NAV2: variants seen among roughly 807,000 people sequenced by gnomAD.
NAV2 encodes the protein neuron navigator 2, also known as helicase, APC down-regulated 1.
In NAV2, 54 loss-of-function variants were observed where a neutral mutation model predicts 223.2. The observed-to-expected ratio is 0.24, with a 90% CI of 0.19 to 0.30. The LOEUF (loss-of-function observed/expected upper bound fraction) is 0.30. NAV2 is among the 10% of genes least tolerant of loss of function. NAV2 has a pLI of 1.00. For missense variants in NAV2, 2,806 were observed against 3,147.5 expected (o/e 0.89, Z 2.60); for synonymous variants, 1,279 against 1,239.3 (o/e 1.03, Z -0.67).
chr11:19,498,435 G>A (rs1008697478), intron 1 of NAV2, among the ~76,000 whole-genome samples: 5 of 152,216 alleles, frequency 3.3e-5, no homozygotes, highest in African/African-American at 4.8e-5. Context: ...TTGAACAGAA[G>A]ATGATGAAGG....
In NAV2 at chr11:19,879,931, C is replaced by A. The variant is rs1362317332; in HGVS notation, c.574C>A (p.Gln192Lys). 6.2e-7 allele frequency: 1 copy of A among 1,606,708 alleles called. No homozygotes were observed. Among genetic ancestry groups the A allele is most frequent in the African/African-American group, 1.3e-5 (1 of 74,748 alleles). Residue 192 changes from glutamine to lysine, a missense_variant, in exon 5 of 38, where the codon CAG (glutamine) becomes AAG (lysine). Physicochemically the swap from Gln to Lys is moderately conservative, Grantham distance 53. Coordinates refer to ENST00000349880, the MANE Select transcript of NAV2 (RefSeq NM_145117.5). ...CTTCTTCAGCCTCTCCCGATACAAG[C>A]AGCAGCAGCAGCAGCCCCAGAAGCA... The part of the protein sequence containing the change: ...GLFFSLSRYK[Q>K]QQQQPQKQHL...
At chr11:20,015,446 C>A (rs936472760) in intron 11 of NAV2, among the ~76,000 whole-genome samples, 1 of 152,184 alleles carries the variant, frequency 6.6e-6, no homozygotes, top group African/African-American at 2.4e-5. Context: ...GCACAGCATT[C>A]CTATACAGGC....
chr11:19,978,685 A>G (rs966245463), intron 10 of NAV2: 1 of 132,606 alleles, frequency 7.5e-6, no homozygotes, highest in African/African-American at 2.8e-5. Flanking sequence ...GTCATGCTCT[A>G]TTAGAAATGC....
intron 22 of NAV2, among the ~76,000 whole-genome samples, chr11:20,074,086 C>T (rs35464939): frequency 0.33 from 49,643 of 151,994 alleles, 9,069 homozygotes; most frequent in African/African-American, 0.48. Context: ...ATAAATTTCC[C>T]TCTACACACT....
intron 1 of NAV2, among the ~76,000 whole-genome samples, chr11:19,410,096 C>T (rs1850075696): frequency 6.6e-6 from 1 of 152,188 alleles, no homozygotes; most frequent in African/African-American, 2.4e-5. Flanking sequence ...GCTTTTCCAC[C>T]CTACCCATTT....
At chr11:19,589,635 GA>G (rs1269929884) in intron 1 of NAV2, among the ~76,000 whole-genome samples, 1 of 152,206 alleles carries the variant, frequency 6.6e-6, no homozygotes, top group East Asian at 1.9e-4. Flanking sequence ...TGCAAATGGT[GA>G]AGGGCCTCTA....
At chr11:19,953,582 T>C (rs765655103) in intron 10 of NAV2, among the ~76,000 whole-genome samples, 4 of 152,238 alleles carry the variant, frequency 2.6e-5, no homozygotes, top group Non-Finnish European at 5.9e-5. Context: ...TCCTCTGGGA[T>C]TCCCCCAGTC....
At chr11:19,864,582 G>A (rs1223640053) in intron 3 of NAV2, among the ~76,000 whole-genome samples, 1 of 152,102 alleles carries the variant, frequency 6.6e-6, no homozygotes, top group Non-Finnish European at 1.5e-5. Context: ...CTAACTCCCT[G>A]GCTCTCCTTG....
At chr11:19,444,334 G>C (rs961625867) in intron 1 of NAV2, among the ~76,000 whole-genome samples, 4 of 152,194 alleles carry the variant, frequency 2.6e-5, no homozygotes, top group African/African-American at 9.7e-5. Context: ...ACAGTGAAGA[G>C]TTATTGCTCA....
chr11:19,530,876 G>A (rs930959780), intron 1 of NAV2, among the ~76,000 whole-genome samples: 8 of 152,200 alleles, frequency 5.3e-5, no homozygotes, highest in African/African-American at 1.4e-4. Flanking sequence ...CCACAGCCAC[G>A]AAGTAGTATA....
In NAV2 at chr11:19,934,032, A is replaced by AG; in HGVS notation, c.1790dup (p.Leu598ThrfsTer87). On this transcript the variant is annotated frameshift_variant, in exon 7 of 38. Transcript: ENST00000349880. LOFTEE classifies it high-confidence loss of function. ...GGAGCCGGAGTGGGAAGCTGAGCTCAGGACTCCCCCAGCAGAAGCCCCAGC... is the reference window on the plus strand; with the variant it reads ...GGAGCCGGAGTGGGAAGCTGAGCTCAGGGACTCCCCCAGCAGAAGCCCCAGC... 1 of 1,598,744 alleles carries AG rather than the reference A, an allele frequency of 6.3e-7. No individual in the cohort carries two copies. Among genetic ancestry groups the AG allele is most frequent in the Non-Finnish European group, 8.5e-7 (1 of 1,173,004 alleles).
chr11:19,957,683 C>T (rs10833203), intron 10 of NAV2, among the ~76,000 whole-genome samples: 138,233 of 152,148 alleles, frequency 0.91, 62,883 homozygotes, highest in East Asian at 0.98. Context: ...AGCTGAGCTG[C>T]TAGCCCACTG....
At chr11:19,941,911 A>G (rs558364332) in intron 8 of NAV2, among the ~76,000 whole-genome samples, 11 of 152,294 alleles carry the variant, frequency 7.2e-5, no homozygotes, top group Admixed American at 2.0e-4. Context: ...ATGTTGTAAC[A>G]TATCCCTTAA....
intron 7 of NAV2, among the ~76,000 whole-genome samples, chr11:19,936,870 G>A (rs181474901): frequency 2.1e-3 from 317 of 152,312 alleles, no homozygotes; most frequent in Non-Finnish European, 2.7e-3. Context: ...GGGCATGGTG[G>A]CTTACACCTG....
At chr11:19,382,270 A>G (rs1848868646) in intron 1 of NAV2, among the ~76,000 whole-genome samples, 1 of 152,028 alleles carries the variant, frequency 6.6e-6, no homozygotes, top group South Asian at 2.1e-4. Flanking sequence ...AGCGTGGGAG[A>G]CAGCTTTGGC....
rs959218435 is a variant in NAV2, at chr11:19,445,736, G to T, written c.75+94709G>T. Among the ~76,000 whole-genome samples the T allele has an allele frequency of 3.4e-5, 5 of 148,020 alleles. No homozygotes were observed. In the South Asian group the frequency reaches 1.1e-3, roughly 32 times the overall value. On this transcript the variant is annotated intron_variant, in intron 1 of 37. Transcript: ENST00000360655. Reference sequence around the variant, plus strand: ...GTGGCTTTTGGCAGCCCTCTTTATTGTCTCTGGGCCTCTGATTTTTTTTTT... The same window carrying T: ...GTGGCTTTTGGCAGCCCTCTTTATTTTCTCTGGGCCTCTGATTTTTTTTTT...
intron 1 of NAV2, among the ~76,000 whole-genome samples, chr11:19,491,411 T>C (rs745554012): frequency 3.9e-5 from 6 of 152,246 alleles, no homozygotes; most frequent in Admixed American, 2.0e-4. Context: ...GGATAACTTA[T>C]TGCAGCTTCC....
At chr11:19,941,706 C>T (rs1171278855) in intron 8 of NAV2, among the ~76,000 whole-genome samples, 4 of 152,066 alleles carry the variant, frequency 2.6e-5, no homozygotes, top group Non-Finnish European at 5.9e-5. Context: ...TGAATTCCTT[C>T]TATAGCTTAC....
At chr11:19,476,328 A>G (rs1385372426) in intron 1 of NAV2, among the ~76,000 whole-genome samples, 2 of 152,018 alleles carry the variant, frequency 1.3e-5, no homozygotes, top group African/African-American at 4.8e-5. Context: ...AACCCCCAAC[A>G]TTATTAAGAT....
Sources: allele counts gnomAD v4.1 joint callset (sites outside exome capture counted in the v4.1 genomes callset), GRCh38; gene constraint gnomAD v4.1.1; transcripts MANE v1.5; gene names NCBI Gene and HGNC (gene_info 2026-07-23, HGNC 2026-07-21).